Variants in REDIC1 observed in about 807,000 individuals in gnomAD.
REDIC1 encodes regulator of DNA class I crossover intermediates 1.
chr12:39,690,643 T>G, the REDIC1 span, among the ~76,000 whole-genome samples: 1 of 152,136 alleles, frequency 6.6e-6, no homozygotes, highest in Non-Finnish European at 1.5e-5. Flanking sequence ...ATATAGGTTA[T>G]AAGCAACGTA....
At chr12:39,776,413 A>G in the REDIC1 span, among the ~76,000 whole-genome samples, 1 of 152,228 alleles carries the variant, frequency 6.6e-6, no homozygotes, top group Non-Finnish European at 1.5e-5. Flanking sequence ...AAGGCCACCA[A>G]CAGCCTGCCC....
the REDIC1 span, among the ~76,000 whole-genome samples, chr12:39,749,869 C>T: frequency 6.6e-6 from 1 of 152,250 alleles, no homozygotes; most frequent in Non-Finnish European, 1.5e-5. Flanking sequence ...ATTCAACAAT[C>T]CTGCATGCTA....
chr12:39,737,451 A>G, the REDIC1 span, among the ~76,000 whole-genome samples: 60 of 152,328 alleles, frequency 3.9e-4, no homozygotes, highest in African/African-American at 1.3e-3. Context: ...TAAGGTCGAG[A>G]GCCACTGTAT....
chr12:39,688,808 G>C, the REDIC1 span, among the ~76,000 whole-genome samples: 1 of 152,098 alleles, frequency 6.6e-6, no homozygotes, highest in Non-Finnish European at 1.5e-5. Context: ...CTTGGTGATT[G>C]GTGATTAGTT....
chr12:39,650,149 T>A, the REDIC1 span: 4 of 1,254,094 alleles, frequency 3.2e-6, no homozygotes, highest in Admixed American at 1.4e-4. This position sits in a 1 kb window ranked among gnomAD's most constrained non-coding sequence, Gnocchi z 4.3. Context: ...ATAAATGTAG[T>A]TCATTTACAT....
chr12:39,867,343 G>C, the REDIC1 span, among the ~76,000 whole-genome samples: 1 of 151,962 alleles, frequency 6.6e-6, no homozygotes, highest in African/African-American at 2.4e-5. Context: ...GGTATGCCTA[G>C]CACATATCCA....
At chr12:39,707,213 A>G in the REDIC1 span, among the ~76,000 whole-genome samples, 1 of 151,924 alleles carries the variant, frequency 6.6e-6, no homozygotes, top group African/African-American at 2.4e-5. Context: ...TTGAATAGAC[A>G]TTTCTCAAAA....
the REDIC1 span, among the ~76,000 whole-genome samples, chr12:39,671,357 G>A: frequency 2.0e-5 from 3 of 152,220 alleles, no homozygotes; most frequent in Admixed American, 6.5e-5. Flanking sequence ...ATTGTTAGAG[G>A]AGGCTATGGT....
the REDIC1 span, among the ~76,000 whole-genome samples, chr12:39,751,896 C>T: frequency 4.7e-4 from 72 of 152,178 alleles, no homozygotes; most frequent in African/African-American, 1.5e-3. Context: ...ACACCAGGGC[C>T]TGTTGTGGGA....
At chr12:39,777,787 G>T in the REDIC1 span, among the ~76,000 whole-genome samples, 1 of 152,138 alleles carries the variant, frequency 6.6e-6, no homozygotes, top group Non-Finnish European at 1.5e-5. Context: ...TGGGGCAGTC[G>T]GATGAGAGCC....
At chr12:39,760,731 A>G in the REDIC1 span, among the ~76,000 whole-genome samples, 1 of 152,020 alleles carries the variant, frequency 6.6e-6, no homozygotes, top group Non-Finnish European at 1.5e-5. Flanking sequence ...ATGAAGTCAG[A>G]GAATTTTGTT....
At chr12:39,711,600 T>C in the REDIC1 span, among the ~76,000 whole-genome samples, 12 of 127,158 alleles carry the variant, frequency 9.4e-5, no homozygotes, top group Non-Finnish European at 1.6e-4. Flanking sequence ...TATATGTGTA[T>C]ACACATGCAT....
At chr12:39,833,078 T>C in the REDIC1 span, among the ~76,000 whole-genome samples, 1 of 152,106 alleles carries the variant, frequency 6.6e-6, no homozygotes, top group Non-Finnish European at 1.5e-5. Flanking sequence ...ATTATTATCA[T>C]CTATGACCTG....
At chr12:39,886,147 T>C in the REDIC1 span, among the ~76,000 whole-genome samples, 9 of 152,118 alleles carry the variant, frequency 5.9e-5, no homozygotes, top group African/African-American at 1.9e-4. Context: ...TTTCCAAATA[T>C]CAGGAAAGAA....
the REDIC1 span, chr12:39,760,097 A>C: frequency 6.2e-7 from 1 of 1,612,934 alleles, no homozygotes; most frequent in Non-Finnish European, 8.5e-7. Flanking sequence ...TATTCAATAT[A>C]TCTCCCTTCA....
At chr12:39,701,133 CAGAT>C in the REDIC1 span, among the ~76,000 whole-genome samples, 2 of 142,406 alleles carry the variant, frequency 1.4e-5, no homozygotes, top group East Asian at 2.0e-4. Flanking sequence ...TTAAAAGACA[CAGAT>C]TGGCAAATTG....
the REDIC1 span, among the ~76,000 whole-genome samples, chr12:39,862,502 A>G: frequency 3.3e-5 from 5 of 152,208 alleles, no homozygotes; most frequent in African/African-American, 1.2e-4. Context: ...TTGTGCTCCC[A>G]CTAATAGAAT....
the REDIC1 span, among the ~76,000 whole-genome samples, chr12:39,695,274 G>A: frequency 3.3e-5 from 5 of 152,162 alleles, no homozygotes; most frequent in Non-Finnish European, 2.9e-5. Flanking sequence ...ACAGTCATGG[G>A]GGTAGAATAC....
chr12:39,668,086 T>C, the REDIC1 span, among the ~76,000 whole-genome samples: 404 of 152,334 alleles, frequency 2.7e-3, 1 homozygote, highest in Non-Finnish European at 4.5e-3. Flanking sequence ...AATATTGTTA[T>C]GTGTGAATTT....
Sources: allele counts gnomAD v4.1 joint callset (sites outside exome capture counted in the v4.1 genomes callset), GRCh38; gene constraint gnomAD v4.1.1; non-coding constraint Gnocchi (gnomAD v3.1); transcripts MANE v1.5; gene names NCBI Gene and HGNC (gene_info 2026-07-23, HGNC 2026-07-21).